Variants in CGNL1 observed in about 807,000 individuals in gnomAD.
The protein encoded by CGNL1 is cingulin like 1.
In CGNL1, 132 loss-of-function variants were observed where a neutral mutation model predicts 141.2. That is an observed-to-expected ratio of 0.93 (90% confidence interval 0.81 to 1.08). The LOEUF is 1.08. Among genes scored for constraint, CGNL1 ranks in the 50% least tolerant of loss-of-function variants. The pLI, the probability that CGNL1 is intolerant of heterozygous loss-of-function variation, is 0.00. For missense variants in CGNL1, 1,870 were observed against 1,588.6 expected (o/e 1.18, Z -3.01); for synonymous variants, 690 against 622.1 (o/e 1.11, Z -1.63).
At chr15:57,432,648 A>G (rs529111835) in intron 1 of CGNL1, among the ~76,000 whole-genome samples, 2 of 152,330 alleles carry the variant, frequency 1.3e-5, no homozygotes, top group South Asian at 4.1e-4. Context: ...GGTGTGCATT[A>G]GGATTGTAAA....
At chr15:57,497,513 TA>T (rs1359442744) in intron 8 of CGNL1, among the ~76,000 whole-genome samples, 4 of 152,198 alleles carry the variant, frequency 2.6e-5, no homozygotes, top group African/African-American at 9.7e-5. Flanking sequence ...TCCTGCAAAG[TA>T]AAAGTCTGCA....
intron 1 of CGNL1, among the ~76,000 whole-genome samples, chr15:57,423,261 T>C (rs1454107377): frequency 6.6e-6 from 1 of 152,078 alleles, no homozygotes; most frequent in African/African-American, 2.4e-5. Context: ...GTCCATAAAA[T>C]TAGGTAATGG....
chr15:57,415,108 C>T (rs2062834560), intron 1 of CGNL1, among the ~76,000 whole-genome samples: 1 of 152,192 alleles, frequency 6.6e-6, no homozygotes, highest in Non-Finnish European at 1.5e-5. Flanking sequence ...AAATACATCT[C>T]CTTATCTCAT....
At chr15:57,397,519 T>C (rs918748147) in intron 1 of CGNL1, among the ~76,000 whole-genome samples, 6 of 150,628 alleles carry the variant, frequency 4.0e-5, no homozygotes, top group African/African-American at 1.5e-4. Context: ...TTTTGTAAAT[T>C]AATTTTTATA....
chr15:57,431,721 G>GT (rs200713290), intron 1 of CGNL1, among the ~76,000 whole-genome samples: 3,335 of 124,162 alleles, frequency 0.027, 117 homozygotes, highest in African/African-American at 0.085. Flanking sequence ...AACATTTTGA[G>GT]TTTTTTTTGT....
chr15:57,426,976 G>C (rs1373080080), intron 1 of CGNL1, among the ~76,000 whole-genome samples: 2 of 152,276 alleles, frequency 1.3e-5, no homozygotes, highest in Non-Finnish European at 2.9e-5. Context: ...GGGAGCTAAG[G>C]GCCACAGCAC....
chr15:57,541,601 T>C (rs918634358), intron 14 of CGNL1, among the ~76,000 whole-genome samples: 8 of 152,188 alleles, frequency 5.3e-5, no homozygotes, highest in African/African-American at 1.7e-4. Flanking sequence ...TTTTCCCTTC[T>C]CTATGCAAGA....
In CGNL1 at chr15:57,437,262, C is replaced by T. The variant is rs3752875; in HGVS notation, c.-15-723C>T. On this transcript the variant is annotated intron_variant, in intron 1 of 18. Transcript: ENST00000281282. ...TTCTTCATTTTTTAAATAATATTTTCCAGATCAATATGCTATTGAACTTTT... is the reference window on the plus strand; with the variant it reads ...TTCTTCATTTTTTAAATAATATTTTTCAGATCAATATGCTATTGAACTTTT... Among the ~76,000 whole-genome samples the T allele has an allele frequency of 6.2e-3, 950 of 152,202 alleles. 29 individuals carry two copies. In the East Asian group the frequency reaches 0.064, roughly 10 times the overall value.
intron 1 of CGNL1, among the ~76,000 whole-genome samples, chr15:57,379,920 G>T (rs1188308404): frequency 6.6e-6 from 1 of 152,272 alleles, no homozygotes; most frequent in East Asian, 1.9e-4. Flanking sequence ...TCAGCCTGGT[G>T]TCCCCCGTGT....
chr15:57,506,201 C>A (rs2064099723), intron 8 of CGNL1, among the ~76,000 whole-genome samples: 1 of 152,196 alleles, frequency 6.6e-6, no homozygotes, highest in African/African-American at 2.4e-5. Flanking sequence ...TCCCACCCCC[C>A]AATATTTTCC....
At chr15:57,534,535 C>A (rs2032141278) in intron 14 of CGNL1, among the ~76,000 whole-genome samples, 1 of 152,204 alleles carries the variant, frequency 6.6e-6, no homozygotes, top group Non-Finnish European at 1.5e-5. Context: ...TGAAGGCTCT[C>A]TGGGGAGGGC....
chr15:57,457,970 G>A (rs576639877), intron 7 of CGNL1, among the ~76,000 whole-genome samples: 11 of 152,292 alleles, frequency 7.2e-5, no homozygotes, highest in Admixed American at 2.6e-4. Flanking sequence ...AAGGGAAAGG[G>A]CATTAGGACC....
At chr15:57,467,276 G>A (rs1488136468) in intron 8 of CGNL1, among the ~76,000 whole-genome samples, 9 of 152,176 alleles carry the variant, frequency 5.9e-5, no homozygotes, top group African/African-American at 2.2e-4. Flanking sequence ...ATCCCTATAG[G>A]AGACCCCATG....
At chr15:57,493,909 C>G (rs2063901229) in intron 8 of CGNL1, among the ~76,000 whole-genome samples, 1 of 152,132 alleles carries the variant, frequency 6.6e-6, no homozygotes, top group Admixed American at 6.6e-5. Context: ...GGTACTGGAG[C>G]TAAGAAGATA....
intron 4 of CGNL1, among the ~76,000 whole-genome samples, chr15:57,442,766 G>A (rs1207781983): frequency 6.6e-6 from 1 of 152,040 alleles, no homozygotes; most frequent in Non-Finnish European, 1.5e-5. Context: ...CTACAGGCAT[G>A]TGCCACCACA....
Position 57,439,176 on chromosome 15 carries a change from T to A in CGNL1, c.1177T>A (p.Phe393Ile). 6.2e-7 allele frequency: 1 copy of A among 1,614,196 alleles called. No individual in the cohort carries two copies. Among genetic ancestry groups the A allele is most frequent in the Non-Finnish European group, 8.5e-7 (1 of 1,180,036 alleles). The change falls in exon 2 of 19, where the codon TTT (phenylalanine) becomes ATT (isoleucine). Residue 393 changes from phenylalanine (F) to isoleucine (I), a missense_variant. Transcript: ENST00000281282. ...AAGATCCAGAAGCGTGGATAGCGCC[T>A]TTCCTTTTGGCCTCCAAGGGAACTC... ...RKRSRSVDSA[F>I]PFGLQGNSEY...
chr15:57,482,218 T>TAAAAC (rs549131683), intron 8 of CGNL1, among the ~76,000 whole-genome samples: 89 of 152,268 alleles, frequency 5.8e-4, no homozygotes, highest in African/African-American at 1.4e-3. Context: ...CAATCTCTAG[T>TAAAAC]AAAACAAAAC....
chr15:57,529,608 A>G (rs1202645248), intron 13 of CGNL1, among the ~76,000 whole-genome samples: 1 of 144,594 alleles, frequency 6.9e-6, no homozygotes, highest in Admixed American at 7.0e-5. Context: ...ACACACACAC[A>G]CGCCCCAGTA....
chr15:57,497,248 G>A (rs1220583042), intron 8 of CGNL1, among the ~76,000 whole-genome samples: 1 of 152,148 alleles, frequency 6.6e-6, no homozygotes, highest in East Asian at 1.9e-4. Flanking sequence ...TTGGCAAGAG[G>A]GCCTCTTTGT....
Sources: allele counts gnomAD v4.1 joint callset (sites outside exome capture counted in the v4.1 genomes callset), GRCh38; gene constraint gnomAD v4.1.1; transcripts MANE v1.5; gene names NCBI Gene and HGNC (gene_info 2026-07-23, HGNC 2026-07-21).